CYB561A3: variants seen among roughly 807,000 people sequenced by gnomAD.
The protein encoded by CYB561A3 is cytochrome b561 family member A3.
Under a neutral mutation model 25.3 loss-of-function variants are expected in CYB561A3, and 16 were observed. That is an observed-to-expected ratio of 0.63 (90% CI 0.43 to 0.96). The LOEUF (loss-of-function observed/expected upper bound fraction) is 0.96, where lower values mean the gene tolerates loss of function less well. Ranked by LOEUF, CYB561A3 falls within the 40% of genes least tolerant of loss-of-function variation. The probability of loss-of-function intolerance (pLI) is 0.00; values close to 1 mark genes in which losing one functional copy is unlikely to be tolerated. For synonymous variants in CYB561A3, 131 were observed against 129.9 expected (o/e 1.01, Z -0.06); for missense variants, 219 against 307.5 (o/e 0.71, Z 2.15).
intron 2 of CYB561A3, 80 bp from the exon 3 acceptor site, chr11:61,356,808 G>A: frequency 6.5e-7 from 1 of 1,543,076 alleles, no homozygotes; most frequent in Non-Finnish European, 8.7e-7. Flanking sequence ...CACTGATTTA[G>A]CTCTTGGCCT....
chr11:61,355,963 G>GT (rs1390095575), intron 3 of CYB561A3: 2 of 151,956 alleles, frequency 1.3e-5, no homozygotes, highest in Non-Finnish European at 2.9e-5. Context: ...ACGGTGGCAG[G>GT]CGCCTGTAGT....
At chr11:61,353,466 CT>C in intron 4 of CYB561A3, 1 of 652,128 alleles carries the variant, frequency 1.5e-6, no homozygotes, top group Non-Finnish European at 2.8e-6. Context: ...TTCAAGAATT[CT>C]TTTGGTTCAC....
chr11:61,352,033 A>C (rs560161721), intron 5 of CYB561A3: 1 of 152,330 alleles, frequency 6.6e-6, no homozygotes, highest in South Asian at 2.1e-4. Context: ...ACCCAGCTGT[A>C]ATAATCCTTT....
At chr11:61,360,988 AAAAG>A (rs1554968622) in intron 1 of CYB561A3, 1 of 151,710 alleles carries the variant, frequency 6.6e-6, no homozygotes, top group Non-Finnish European at 1.5e-5. Context: ...AGAAAAAAAA[AAAAG>A]AAAGAAAAAG....
rs535056713 is a variant in CYB561A3, at chr11:61,353,237, T to C, written c.394-98A>G. ...CCTCCCCATCTCTGCTCCCTGGCTC[T>C]TCTTTCACAACTCAAACCTTCCCAC... is the stretch of plus-strand genomic sequence containing the variant. On this transcript the variant is annotated intron_variant, in intron 4 of 6. Coordinates refer to ENST00000294072, the MANE Select transcript of CYB561A3 (RefSeq NM_153611.6). 4,507 of 1,433,778 alleles carry C rather than the reference T, an allele frequency of 3.1e-3. 12 individuals carry two copies. The highest frequency in any genetic ancestry group is 4.0e-3 in the Non-Finnish European group (4,325 of 1,080,532). 88.8% of individuals were successfully genotyped at this position (1,433,778 alleles called of 1,614,324 possible).
intron 4 of CYB561A3, 138 bp downstream of exon 4, chr11:61,353,646 T>G: frequency 3.1e-6 from 3 of 977,652 alleles, no homozygotes; most frequent in Non-Finnish European, 4.8e-6. Context: ...TTGAATAAAC[T>G]GTCAGTTCTA....
At chr11:61,350,810 C>G (rs1449651348) in intron 6 of CYB561A3, 181 bp downstream of exon 6, 4 of 818,172 alleles carry the variant, frequency 4.9e-6, no homozygotes, top group Non-Finnish European at 5.5e-6. Context: ...CAGCATTTCA[C>G]TGGGATGCGC....
Position 61,350,276 on chromosome 11 carries a change from C to A in CYB561A3, c.*123G>T. 1 of 1,323,666 alleles carries A rather than the reference C, an allele frequency of 7.6e-7. No individual in the cohort carries two copies. Among genetic ancestry groups the A allele is most frequent in the Non-Finnish European group, 1.0e-6 (1 of 962,004 alleles). 82.0% of individuals were successfully genotyped at this position (1,323,666 alleles called of 1,614,324 possible). A position where few individuals can be genotyped will look rare whatever the true frequency, so the allele number is the denominator to read the frequency against. ...GCAGGCCAGCACCCAGGCAAGAAGT[C>A]TGGGCCCAGCATTGGAAGAAAGTCG... On this transcript the variant is annotated 3_prime_UTR_variant, in exon 7 of 7. Coordinates refer to ENST00000294072, the MANE Select transcript of CYB561A3 (RefSeq NM_153611.6).
In CYB561A3 at chr11:61,350,290, G is replaced by C. The variant is rs79792967; in HGVS notation, c.*109C>G. Reference sequence around the variant, plus strand: ...AGGCAAGAAGTCTGGGCCCAGCATTGGAAGAAAGTCGCCTGCTGAAACCAG... The same window carrying C: ...AGGCAAGAAGTCTGGGCCCAGCATTCGAAGAAAGTCGCCTGCTGAAACCAG... On this transcript the variant is annotated 3_prime_UTR_variant, in exon 7 of 7. Coordinates refer to ENST00000294072, the MANE Select transcript of CYB561A3 (RefSeq NM_153611.6). The C allele has an allele frequency of 7.3e-4, 1,030 of 1,412,226 alleles. 9 individuals are homozygous for C. The African/African-American group carries it at 0.013, about 18-fold the overall frequency. 87.5% of individuals were successfully genotyped at this position (1,412,226 alleles called of 1,614,324 possible).
rs889341927 is a variant in CYB561A3, at chr11:61,357,508, C to A, written c.-16+225G>T. On this transcript the variant is annotated intron_variant, in intron 2 of 6. Coordinates refer to ENST00000294072, the MANE Select transcript of CYB561A3 (RefSeq NM_153611.6). ...TTTCAGGCATGGCAAATGCTTAAAG[C>A]CCTGAGCAGTTGCTCTTAAACGCTA... 1.5e-5 allele frequency: 6 copies of A among 408,626 alleles called. 1 individual carries two copies. The highest frequency in any genetic ancestry group is 1.2e-4 in the African/African-American group (6 of 48,022). The allele number at this position is 408,626 out of a possible 1,614,324, so 25.3% of individuals were successfully genotyped here. A position where few individuals can be genotyped will look rare whatever the true frequency, so the allele number is the denominator to read the frequency against.
In CYB561A3 at chr11:61,351,144, T is replaced by C. The variant is rs764228637; in HGVS notation, c.552A>G (p.Lys184=). 1 of 1,606,718 alleles carries C rather than the reference T, an allele frequency of 6.2e-7. No homozygotes were observed. The highest frequency in any genetic ancestry group is 8.5e-7 in the Non-Finnish European group (1 of 1,177,394). The change falls in exon 6 of 7, where the codon AAA becomes AAG. Residue 184 remains lysine (K), a synonymous_variant. Transcript: ENST00000294072. ...GGCTGTGGTATGGCCTGGTGGTGTT[T>C]TTCCTGAAGATGACAAAACAATGTG... ...GINEKLFFSL[K]NTTRPYHSLP... is the part of the protein sequence containing the mutation.
At chr11:61,353,162 AC>A (rs1392271315) in intron 4 of CYB561A3, 23 bp from the exon 5 acceptor site, 11 of 1,581,896 alleles carry the variant, frequency 7.0e-6, no homozygotes, top group Non-Finnish European at 9.4e-6. Flanking sequence ...GGGAGGACAC[AC>A]CCGACTGTGC....
intron 1 of CYB561A3, chr11:61,358,082 T>G (rs997779074): frequency 1.3e-5 from 2 of 152,232 alleles, no homozygotes; most frequent in African/African-American, 2.4e-5. Context: ...GGTTGTCAGA[T>G]CAAGTGAGAA....
intron 1 of CYB561A3, chr11:61,358,839 C>A (rs1364135285): frequency 6.6e-6 from 1 of 152,296 alleles, no homozygotes; most frequent in Non-Finnish European, 1.5e-5. Flanking sequence ...CAGTGGCCCT[C>A]AGCCATGCCA....
At chr11:61,356,202 G>A in intron 3 of CYB561A3, 1 of 271,196 alleles carries the variant, frequency 3.7e-6, no homozygotes, top group South Asian at 9.2e-5. Context: ...TTGTGTGTAT[G>A]TGTTGTCTAT....
At position 61,350,603 on chromosome 11, in the gene CYB561A3, A is replaced by C. The variant is rs537617436; in HGVS notation, c.706-181T>G. On this transcript the variant is annotated intron_variant, in intron 6 of 6. Coordinates refer to ENST00000294072, the MANE Select transcript of CYB561A3 (RefSeq NM_153611.6). ...CCCCGTCTCCCTACATCCCATCAAG[A>C]CCTGCTCTGAGCACTCAGCTGGTCA... 3 of 719,476 alleles carry C rather than the reference A, an allele frequency of 4.2e-6. No homozygotes were observed. The African/African-American group carries it at 5.3e-5, about 13-fold the overall frequency. The allele number at this position is 719,476 out of a possible 1,614,324, so 44.6% of individuals were successfully genotyped here.
Position 61,353,850 on chromosome 11 carries a change from C to CCTT in CYB561A3, c.324_326dup (p.Arg109dup). ...TGTGAAGGGAGTAGAGGTTGGCAGT[C>CCTT]CTTCCATGGTTGTGAAACGTAAAGA... On this transcript the variant is annotated inframe_insertion, in exon 4 of 7. Transcript: ENST00000294072. 1 of 1,614,194 alleles carries CCTT rather than the reference C, an allele frequency of 6.2e-7. No individual in the cohort carries two copies. Among genetic ancestry groups the CCTT allele is most frequent in the Non-Finnish European group, 8.5e-7 (1 of 1,180,038 alleles).
intron 1 of CYB561A3, chr11:61,360,954 G>A (rs1012797271): frequency 1.3e-5 from 2 of 150,516 alleles, no homozygotes; most frequent in Non-Finnish European, 3.0e-5. Flanking sequence ...TTCCAGCCTG[G>A]GCGACAGAGT....
chr11:61,353,763 A>G lies in CYB561A3; in HGVS notation c.393+21T>C, dbSNP rs767448819. 15 of 1,613,606 alleles carry G rather than the reference A, an allele frequency of 9.3e-6. No individual in the cohort carries two copies. The Admixed American group carries it at 2.5e-4, about 27-fold the overall frequency. ...GCTCATGGCTCTGGGAACCTCGAGG[A>G]GGAGAACAGAGAGAACCCACCTGGC... is the stretch of plus-strand genomic sequence containing the variant. On this transcript the variant is annotated intron_variant, in intron 4 of 6. Coordinates refer to ENST00000294072, the MANE Select transcript of CYB561A3 (RefSeq NM_153611.6).
Sources: gnomAD v4.1 joint callset for allele counts on GRCh38, gnomAD v4.1.1 for gene constraint, MANE v1.5 for transcripts, NCBI Gene and HGNC (gene_info 2026-07-23, HGNC 2026-07-21) for gene names.